Variants in CELF2 observed in about 807,000 individuals in gnomAD.
CELF2 encodes CUGBP Elav-like family member 2.
A neutral mutation model predicts 62.6 loss-of-function variants in CELF2; 8 were observed. That is an observed-to-expected ratio of 0.13 (90% CI 0.07 to 0.23). The LOEUF (loss-of-function observed/expected upper bound fraction) is 0.23, where lower values mean the gene tolerates loss of function less well. CELF2 is among the 10% of genes least tolerant of loss of function. The probability of loss-of-function intolerance (pLI) is 1.00; values close to 1 mark genes in which losing one functional copy is unlikely to be tolerated. For missense variants in CELF2, 333 were observed against 671.0 expected (o/e 0.50, Z 5.56); for synonymous variants, 258 against 250.0 (o/e 1.03, Z -0.30).
At chr10:10,722,919 C>T in the CELF2 span, among the ~76,000 whole-genome samples, 3 of 152,136 alleles carry the variant, frequency 2.0e-5, no homozygotes, top group East Asian at 3.9e-4. Flanking sequence ...TAGAGCAAGG[C>T]CCTCCCTCTT....
At chr10:10,788,453 C>CTTTTTTTTTTTT in the CELF2 span, among the ~76,000 whole-genome samples, 7 of 95,730 alleles carry the variant, frequency 7.3e-5, no homozygotes, top group Non-Finnish European at 1.5e-4. Context: ...TTCTTTCCAT[C>CTTTTTTTTTTTT]TTTTTTTTTT....
At chr10:11,104,793 G>A (rs2052912142) in intron 1 of CELF2, among the ~76,000 whole-genome samples, 1 of 152,254 alleles carries the variant, frequency 6.6e-6, no homozygotes. Flanking sequence ...GCTCTTTGGA[G>A]TTGATAAGAA....
chr10:10,787,893 T>C, the CELF2 span, among the ~76,000 whole-genome samples: 14 of 152,328 alleles, frequency 9.2e-5, no homozygotes, highest in East Asian at 2.5e-3. Context: ...CCTTCTTTTC[T>C]GCTTCCAAAG....
chr10:10,626,512 A>G, the CELF2 span, among the ~76,000 whole-genome samples: 1 of 152,194 alleles, frequency 6.6e-6, no homozygotes, highest in Non-Finnish European at 1.5e-5. Context: ...TTTCATAGGG[A>G]AAGAAAAAAA....
the CELF2 span, among the ~76,000 whole-genome samples, chr10:10,672,884 G>GAA: frequency 6.6e-6 from 1 of 152,064 alleles, no homozygotes; most frequent in African/African-American, 2.4e-5. Flanking sequence ...ATCAAGTTGG[G>GAA]AAAAACCGAC....
intron 1 of CELF2, among the ~76,000 whole-genome samples, chr10:10,844,617 A>T (rs1253405189): frequency 6.6e-6 from 1 of 152,134 alleles, no homozygotes; most frequent in Non-Finnish European, 1.5e-5. Flanking sequence ...TCAGTCATGC[A>T]AATTAACAAA....
At chr10:10,974,323 A>G (rs1175125318) in intron 2 of CELF2, among the ~76,000 whole-genome samples, 1 of 152,210 alleles carries the variant, frequency 6.6e-6, no homozygotes, top group Non-Finnish European at 1.5e-5. Context: ...TATCTCACCA[A>G]AAGATTCTCA....
At chr10:10,755,701 A>G in the CELF2 span, among the ~76,000 whole-genome samples, 1 of 152,222 alleles carries the variant, frequency 6.6e-6, no homozygotes, top group African/African-American at 2.4e-5. Context: ...TTACGATGTT[A>G]TATCACGTGA....
chr10:10,723,925 G>T, the CELF2 span, among the ~76,000 whole-genome samples: 587 of 152,214 alleles, frequency 3.9e-3, 5 homozygotes, highest in African/African-American at 0.014. Flanking sequence ...TTAAAAAAAT[G>T]CAACTATGAT....
the CELF2 span, among the ~76,000 whole-genome samples, chr10:10,527,156 T>C: frequency 0.91 from 138,146 of 152,278 alleles, 63,217 homozygotes; most frequent in South Asian, 0.97. Context: ...TAATTAACCA[T>C]GCTGGCTCTG....
the CELF2 span, among the ~76,000 whole-genome samples, chr10:10,605,406 T>A: frequency 6.6e-6 from 1 of 152,240 alleles, no homozygotes; most frequent in Non-Finnish European, 1.5e-5. Flanking sequence ...CTGTACATCC[T>A]GCACGAGTAC....
At chr10:11,307,074 T>C (rs935638455) in intron 9 of CELF2, among the ~76,000 whole-genome samples, 1 of 152,216 alleles carries the variant, frequency 6.6e-6, no homozygotes, top group Non-Finnish European at 1.5e-5. Context: ...ATGAGAGCAG[T>C]GTGTGGCATC....
intron 1 of CELF2, among the ~76,000 whole-genome samples, chr10:11,109,164 G>T (rs1267222204): frequency 6.6e-6 from 1 of 152,190 alleles, no homozygotes; most frequent in Non-Finnish European, 1.5e-5. Context: ...TTGTGTTTCT[G>T]TTGCTCCTGT....
At chr10:11,222,716 A>T (rs754151445) in intron 3 of CELF2, among the ~76,000 whole-genome samples, 6 of 152,288 alleles carry the variant, frequency 3.9e-5, no homozygotes, top group Non-Finnish European at 8.8e-5. Flanking sequence ...AGTAGCTCTT[A>T]CATAGTGAAT....
chr10:10,670,029 A>C, the CELF2 span, among the ~76,000 whole-genome samples: 22 of 150,840 alleles, frequency 1.5e-4, no homozygotes, highest in Non-Finnish European at 2.9e-4. Flanking sequence ...CAGCCTCCCA[A>C]GTTGCTGGGA....
chr10:10,511,378 T>C, the CELF2 span, among the ~76,000 whole-genome samples: 10 of 152,056 alleles, frequency 6.6e-5, no homozygotes, highest in East Asian at 1.7e-3. Context: ...TGCCACTGCA[T>C]TCCAGCCTGG....
chr10:10,963,044 GTTT>G (rs2049712820), intron 2 of CELF2, among the ~76,000 whole-genome samples: 1 of 150,618 alleles, frequency 6.6e-6, no homozygotes, highest in African/African-American at 2.4e-5. Context: ...GTTTTGTTTT[GTTT>G]TGTTTTGTTT....
chr10:11,124,622 G>A (rs2058356191), intron 1 of CELF2, among the ~76,000 whole-genome samples: 2 of 152,172 alleles, frequency 1.3e-5, no homozygotes, highest in South Asian at 4.1e-4. Flanking sequence ...TTATCAGTCT[G>A]TTATTCAAGC....
chr10:10,742,048 A>T, the CELF2 span, among the ~76,000 whole-genome samples: 84 of 152,242 alleles, frequency 5.5e-4, no homozygotes, highest in African/African-American at 2.0e-3. Flanking sequence ...TACTACCATT[A>T]TTTATTTTAT....
Sources: gnomAD v4.1 joint callset for allele counts (sites outside exome capture counted in the v4.1 genomes callset) on GRCh38, gnomAD v4.1.1 for gene constraint, MANE v1.5 for transcripts, NCBI Gene and HGNC (gene_info 2026-07-23, HGNC 2026-07-21) for gene names.